Variants in EVI5 observed in about 807,000 individuals in gnomAD.
EVI5 encodes ecotropic viral integration site 5.
Under a neutral mutation model 112.0 loss-of-function variants are expected in EVI5, and 73 were observed. That is an observed-to-expected ratio of 0.65 (90% CI 0.54 to 0.79). The LOEUF (loss-of-function observed/expected upper bound fraction) is 0.79. Ranked by LOEUF, EVI5 falls within the 30% of genes least tolerant of loss-of-function variation. The probability of loss-of-function intolerance (pLI) is 0.00; values close to 1 mark genes in which losing one functional copy is unlikely to be tolerated. For synonymous variants in EVI5, 305 were observed against 319.9 expected (o/e 0.95, Z 0.50); for missense variants, 900 against 968.8 (o/e 0.93, Z 0.94).
At position 92,551,044 on chromosome 1, in the gene EVI5, T is replaced by TC. The variant is rs1423709972; in HGVS notation, c.2166+12597_2166+12598insG. ...TTTTCTTTTCTTTCTTTCTTTCTTT[T>TC]TTTTTTTTTTTTTTTTGAGACTTAG... On this transcript the variant is annotated intron_variant, in intron 19 of 19. Transcript: ENST00000684568. Among the ~76,000 whole-genome samples, 29 of 96,716 alleles carry TC rather than the reference T, an allele frequency of 3.0e-4. 1 individual carries two copies. The highest frequency in any genetic ancestry group is 1.7e-3 in the African/African-American group (27 of 15,742). 63.4% of individuals were successfully genotyped at this position (96,716 alleles called of 152,430 possible). A position where few individuals can be genotyped will look rare whatever the true frequency, so the allele number is the denominator to read the frequency against.
intron 19 of EVI5, among the ~76,000 whole-genome samples, chr1:92,521,925 C>G (rs1043256652): frequency 6.6e-6 from 1 of 152,126 alleles, no homozygotes; most frequent in African/African-American, 2.4e-5. Context: ...TTCTACAACC[C>G]ACAATCCGGA....
At chr1:92,572,016 G>A (rs1670393428) in intron 18 of EVI5, among the ~76,000 whole-genome samples, 1 of 152,054 alleles carries the variant, frequency 6.6e-6, no homozygotes, top group African/African-American at 2.4e-5. Context: ...TATAAAGAGG[G>A]CATAACATAA....
intron 19 of EVI5, among the ~76,000 whole-genome samples, chr1:92,521,056 G>A (rs1252212896): frequency 6.6e-6 from 1 of 151,330 alleles, no homozygotes; most frequent in Non-Finnish European, 1.5e-5. Context: ...CTACCTCCCA[G>A]GCTCAGGTGA....
At chr1:92,570,112 G>A (rs1670108254) in intron 18 of EVI5, among the ~76,000 whole-genome samples, 2 of 152,062 alleles carry the variant, frequency 1.3e-5, no homozygotes, top group East Asian at 1.9e-4. Context: ...AAAAAAACAC[G>A]AGGAAGAATG....
intron 18 of EVI5, among the ~76,000 whole-genome samples, chr1:92,596,148 G>T (rs1402964302): frequency 6.6e-6 from 1 of 152,078 alleles, no homozygotes; most frequent in Non-Finnish European, 1.5e-5. Flanking sequence ...CTTGAGCCCA[G>T]GAGATCAATA....
At chr1:92,677,031 A>G (rs868503900) in intron 10 of EVI5, 127 bp downstream of exon 10, 62 of 640,458 alleles carry the variant, frequency 9.7e-5, no homozygotes, top group African/African-American at 9.2e-4. Context: ...TGAAATGTCT[A>G]TTTTTAACTA....
chr1:92,619,388 T>C (rs1033752388), intron 16 of EVI5, among the ~76,000 whole-genome samples: 14 of 151,990 alleles, frequency 9.2e-5, no homozygotes, highest in African/African-American at 3.1e-4. Flanking sequence ...CCTCAGCTTG[T>C]AGGCAGCCTA....
intron 13 of EVI5, among the ~76,000 whole-genome samples, chr1:92,644,537 C>T (rs1431421999): frequency 6.6e-6 from 1 of 152,068 alleles, no homozygotes; most frequent in African/African-American, 2.4e-5. Flanking sequence ...GTCCATTCTG[C>T]TTGGTTAGCT....
intron 14 of EVI5, among the ~76,000 whole-genome samples, chr1:92,626,652 G>A (rs1480404606): frequency 6.6e-6 from 1 of 152,112 alleles, no homozygotes; most frequent in African/African-American, 2.4e-5. Context: ...CAATGTATGA[G>A]GGGAACTGCA....
intron 19 of EVI5, among the ~76,000 whole-genome samples, chr1:92,539,793 C>A (rs894184403): frequency 6.6e-6 from 1 of 152,068 alleles, no homozygotes; most frequent in Admixed American, 6.6e-5. Flanking sequence ...GCAACCATCA[C>A]CACAACCAAT....
chr1:92,674,639 A>G (rs1666420681), intron 10 of EVI5, among the ~76,000 whole-genome samples: 1 of 152,050 alleles, frequency 6.6e-6, no homozygotes, highest in Non-Finnish European at 1.5e-5. Flanking sequence ...TACCTATGTA[A>G]CAAACCTGCA....
At position 92,736,556 on chromosome 1, in the gene EVI5, T is replaced by G. The variant is rs201087868; in HGVS notation, c.-10A>C. ...CCACCTGACTGGCCATCTGACTGAC[T>G]GTATGCGATACTGTGTTCTTCACCC... On this transcript the variant is annotated 5_prime_UTR_variant, in exon 2 of 20. Transcript: ENST00000684568. 14 of 1,614,034 alleles carry G rather than the reference T, an allele frequency of 8.7e-6. No homozygotes were observed. The highest frequency in any genetic ancestry group is 2.2e-5 in the South Asian group (2 of 91,080).
intron 19 of EVI5, among the ~76,000 whole-genome samples, chr1:92,519,516 TCA>T (rs1167006430): frequency 6.6e-6 from 1 of 152,022 alleles, no homozygotes; most frequent in African/African-American, 2.4e-5. Flanking sequence ...AGCAAAACAC[TCA>T]CATTAAAACA....
intron 19 of EVI5, among the ~76,000 whole-genome samples, chr1:92,557,100 T>C (rs918726408): frequency 6.6e-6 from 1 of 152,122 alleles, no homozygotes; most frequent in Admixed American, 6.6e-5. Context: ...CTTAGAAAAA[T>C]TGCCTTCCCA....
intron 19 of EVI5, among the ~76,000 whole-genome samples, chr1:92,559,263 T>C (rs1668145535): frequency 6.6e-6 from 1 of 152,210 alleles, no homozygotes; most frequent in South Asian, 2.1e-4. Flanking sequence ...CCACGATTGG[T>C]TGAATCCACT....
At chr1:92,582,269 A>T (rs958307680) in intron 18 of EVI5, among the ~76,000 whole-genome samples, 1 of 152,204 alleles carries the variant, frequency 6.6e-6, no homozygotes, top group African/African-American at 2.4e-5. Context: ...GACCCAGATG[A>T]TATATGTGGT....
chr1:92,755,564 T>C (rs1558209261), intron 1 of EVI5, among the ~76,000 whole-genome samples: 1 of 152,210 alleles, frequency 6.6e-6, no homozygotes, highest in African/African-American at 2.4e-5. Flanking sequence ...TACATGTCGA[T>C]GGGCTGACTC....
intron 1 of EVI5, among the ~76,000 whole-genome samples, chr1:92,764,701 C>A (rs1027274801): frequency 6.6e-5 from 10 of 152,152 alleles, no homozygotes; most frequent in Admixed American, 1.3e-4. Flanking sequence ...CTTTAACCAG[C>A]CATTTAATCT....
chr1:92,626,418 T>C (rs368435291), intron 14 of EVI5, among the ~76,000 whole-genome samples: 1 of 152,188 alleles, frequency 6.6e-6, no homozygotes, highest in East Asian at 1.9e-4. Flanking sequence ...TTTAATCTAT[T>C]TATTCATCAG....
Sources: gnomAD v4.1 joint callset for allele counts (sites outside exome capture counted in the v4.1 genomes callset) on GRCh38, gnomAD v4.1.1 for gene constraint, MANE v1.5 for transcripts, NCBI Gene and HGNC (gene_info 2026-07-23, HGNC 2026-07-21) for gene names.